ZFYVE16: variants seen among roughly 807,000 people sequenced by gnomAD.
ZFYVE16 encodes the protein zinc finger FYVE-type containing 16, also known as zinc finger FYVE domain-containing protein 16.
Under a neutral mutation model 138.1 loss-of-function variants are expected in ZFYVE16, and 89 were observed. The observed-to-expected ratio is 0.64, with a 90% CI of 0.54 to 0.77. The LOEUF (loss-of-function observed/expected upper bound fraction) is 0.77. ZFYVE16 is among the 30% of genes least tolerant of loss of function. The pLI, the probability that ZFYVE16 is intolerant of heterozygous loss-of-function variation, is 0.00. For missense variants in ZFYVE16, 1,793 were observed against 1,786.7 expected (o/e 1.00, Z -0.06); for synonymous variants, 596 against 618.3 (o/e 0.96, Z 0.53).
intron 15 of ZFYVE16, among the ~76,000 whole-genome samples, chr5:80,469,262 C>G (rs954815105): frequency 1.3e-5 from 2 of 151,964 alleles, no homozygotes; most frequent in Non-Finnish European, 2.9e-5. Context: ...ACCACCACAC[C>G]TGGCTATTTT....
At chr5:80,434,805 C>T (rs1177065318) in intron 3 of ZFYVE16, among the ~76,000 whole-genome samples, 1 of 152,162 alleles carries the variant, frequency 6.6e-6, no homozygotes, top group African/African-American at 2.4e-5. Flanking sequence ...CTAAAAGCAA[C>T]TTGAGAGTTC....
intron 18 of ZFYVE16, among the ~76,000 whole-genome samples, chr5:80,476,831 G>A (rs1043018190): frequency 1.2e-3 from 177 of 152,280 alleles, no homozygotes; most frequent in African/African-American, 4.1e-3. Context: ...TTGCACCAAT[G>A]TTAGAGTCTA....
At chr5:80,456,394 GA>G in intron 12 of ZFYVE16, 66 bp from the exon 13 acceptor site, 2 of 1,224,488 alleles carry the variant, frequency 1.6e-6, no homozygotes, top group Admixed American at 4.5e-5. Context: ...ATTTCTTAAA[GA>G]AGGATTTAAT....
At chr5:80,457,831 A>G (rs1485984451) in intron 14 of ZFYVE16, among the ~76,000 whole-genome samples, 2 of 151,420 alleles carry the variant, frequency 1.3e-5, no homozygotes, top group Admixed American at 6.6e-5. Context: ...TTGAGACCAT[A>G]CTGGCTAATA....
In ZFYVE16 at chr5:80,472,837, A is replaced by C. The variant is rs141099186; in HGVS notation, c.4101A>C (p.Lys1367Asn). 1 of 1,614,050 alleles carries C rather than the reference A, an allele frequency of 6.2e-7. No individual in the cohort carries two copies. Among genetic ancestry groups the C allele is most frequent in the African/African-American group, 1.3e-5 (1 of 75,038 alleles). Residue 1367 changes from lysine (K) to asparagine (N), a missense_variant, in exon 16 of 19, where the codon AAA (lysine) becomes AAC (asparagine). Transcript: ENST00000505560. ...RLALREQKDF[K>N]ITCGKVDAVD... ...CTTTACGAGAACAGAAAGACTTTAAAATTACATGTGGGAAAGTTGATGCAG... is the reference window on the plus strand; with the variant it reads ...CTTTACGAGAACAGAAAGACTTTAACATTACATGTGGGAAAGTTGATGCAG...
intron 1 of ZFYVE16, among the ~76,000 whole-genome samples, chr5:80,415,603 T>G (rs1388828831): frequency 1.3e-5 from 2 of 152,210 alleles, no homozygotes; most frequent in Non-Finnish European, 1.5e-5. Flanking sequence ...GTAATGTGTT[T>G]CGGAGAGAAA....
Position 80,479,872 on chromosome 5 carries a change from T to C in ZFYVE16, c.*2495T>C, listed in dbSNP as rs1755199825. On this transcript the variant is annotated 3_prime_UTR_variant, in exon 19 of 19. Coordinates refer to ENST00000505560, the MANE Select transcript of ZFYVE16 (RefSeq NM_001284236.3). ...TGAGACTCCCAAATACTTTCACCTT[T>C]AGGATGATAATGAATCAGAGGTGGA... Among the ~76,000 whole-genome samples, 1 of 152,114 alleles carries C rather than the reference T, an allele frequency of 6.6e-6. No homozygotes were observed. The highest frequency in any genetic ancestry group is 1.5e-5 in the Non-Finnish European group (1 of 68,014).
At position 80,451,656 on chromosome 5, in the gene ZFYVE16, G is replaced by A; in HGVS notation, c.3554G>A (p.Trp1185Ter). The A allele has an allele frequency of 6.2e-7, 1 of 1,613,796 alleles. No homozygotes were observed. The highest frequency in any genetic ancestry group is 8.5e-7 in the Non-Finnish European group (1 of 1,179,924). ...CTTATCCAGAAGCTTGAGATTCCCTGGGCAAAGGTTTTTCCTATGCGTTTA... is the reference window on the plus strand; with the variant it reads ...CTTATCCAGAAGCTTGAGATTCCCTAGGCAAAGGTTTTTCCTATGCGTTTA... ...GILIQKLEIP[W>*]AKVFPMRLML... Residue 1185 changes from tryptophan to a stop codon, truncating the protein, a stop_gained, in exon 11 of 19, where the codon TGG becomes TAG. Coordinates refer to ENST00000505560, the MANE Select transcript of ZFYVE16 (RefSeq NM_001284236.3). LOFTEE classifies it high-confidence loss of function.
intron 5 of ZFYVE16, chr5:80,441,558 G>A: frequency 1.0e-6 from 1 of 984,720 alleles, no homozygotes; most frequent in Non-Finnish European, 1.2e-6. Flanking sequence ...TATCAAATAA[G>A]AAGAGAAAGA....
At chr5:80,456,924 G>A in intron 13 of ZFYVE16, 21 bp from the exon 14 acceptor site, 1 of 1,578,892 alleles carries the variant, frequency 6.3e-7, no homozygotes, top group South Asian at 1.2e-5. Context: ...AATAAATGTT[G>A]TTGTTTTTGT....
intron 15 of ZFYVE16, among the ~76,000 whole-genome samples, chr5:80,463,824 C>G (rs1483530579): frequency 6.6e-6 from 1 of 152,132 alleles, no homozygotes; most frequent in Non-Finnish European, 1.5e-5. Context: ...GCCAGATACC[C>G]TAAATTATCT....
Position 80,441,375 on chromosome 5 carries a change from T to C in ZFYVE16, c.2419+1343T>C, listed in dbSNP as rs920525697. The C allele has an allele frequency of 5.1e-6, 5 of 985,306 alleles. No individual in the cohort carries two copies. In the Admixed American group the frequency reaches 3.1e-4, roughly 61 times the overall value. 61.0% of individuals were successfully genotyped at this position (985,306 alleles called of 1,614,324 possible). A position where few individuals can be genotyped will look rare whatever the true frequency, so the allele number is the denominator to read the frequency against. On this transcript the variant is annotated intron_variant, in intron 5 of 18. Coordinates refer to ENST00000505560, the MANE Select transcript of ZFYVE16 (RefSeq NM_001284236.3). ...AGCTTTGGTTTATCAAAGAAAATAC[T>C]GTGGAATGAGCTTATTTAGTTATCT...
Position 80,438,802 on chromosome 5 carries a change from T to C in ZFYVE16, c.2117T>C (p.Ile706Thr), listed in dbSNP as rs1294776775. The C allele has an allele frequency of 4.3e-6, 7 of 1,613,992 alleles. No individual in the cohort carries two copies. The highest frequency in any genetic ancestry group is 5.9e-6 in the Non-Finnish European group (7 of 1,179,992). The change falls in exon 4 of 19, where the codon ATT becomes ACT. Residue 706 changes from isoleucine to threonine, a missense_variant. Physicochemically the swap from Ile to Thr is moderately conservative, Grantham distance 89 (BLOSUM62 -1). Coordinates refer to ENST00000505560, the MANE Select transcript of ZFYVE16 (RefSeq NM_001284236.3). ...DPQVSFNSNY[I>T]DIESNSEGGS... Reference sequence around the variant, plus strand: ...CAGGTTAGCTTCAACTCTAATTACATTGATATAGAAAGTAATTCTGAAGGT... The same window carrying C: ...CAGGTTAGCTTCAACTCTAATTACACTGATATAGAAAGTAATTCTGAAGGT...
chr5:80,465,793 A>T lies in ZFYVE16; in HGVS notation c.4024+6299A>T, dbSNP rs148755479. 5.6e-3 allele frequency among the ~76,000 whole-genome samples: 860 copies of T among 152,224 alleles called. 5 individuals are homozygous for T. Among genetic ancestry groups the T allele is most frequent in the Admixed American group, 0.01 (157 of 15,296 alleles). ...GATGATTTGCTTTATTGCTGCTTTC[A>T]TGACACTCTTTGTCATTCACAGTTT... On this transcript the variant is annotated intron_variant, in intron 15 of 18. Coordinates refer to ENST00000505560, the MANE Select transcript of ZFYVE16 (RefSeq NM_001284236.3).
chr5:80,426,256 GTGTGTGTGTGTGTGTGTATATA>G (rs1748016327), intron 1 of ZFYVE16, among the ~76,000 whole-genome samples: 1 of 53,604 alleles, frequency 1.9e-5, no homozygotes, highest in Non-Finnish European at 4.4e-5. Flanking sequence ...GTGTGTGTGT[GTGTGTGTGTGTGTGTGTATATA>G]TATATATATA....
At position 80,421,068 on chromosome 5, in the gene ZFYVE16, G is replaced by A. The variant is rs1747084955; in HGVS notation, c.-93-6424G>A. Among the ~76,000 whole-genome samples the A allele has an allele frequency of 3.3e-5, 5 of 152,152 alleles. No homozygotes were observed. The South Asian group carries it at 1.0e-3, about 32-fold the overall frequency. On this transcript the variant is annotated intron_variant, in intron 1 of 18. Coordinates refer to ENST00000505560, the MANE Select transcript of ZFYVE16 (RefSeq NM_001284236.3). ...CCAGTGATGATGAGCATTTTTTCAT[G>A]TGTTTTTTGGCTACATAAATGTCTT... is the stretch of plus-strand genomic sequence containing the variant.
In ZFYVE16 at chr5:80,438,895, T is replaced by G. The variant is rs926046084; in HGVS notation, c.2210T>G (p.Leu737Trp). ...AACACTTGCAAAGAAGGCTTGGTTT[T>G]GGGCCAGAAACAGCCTACTTGGGTT... ...PENTCKEGLVLGQKQPTWVPD... is the reference protein window; with the variant it reads ...PENTCKEGLVWGQKQPTWVPD... The change falls in exon 4 of 19, where the codon TTG (leucine) becomes TGG (tryptophan). Residue 737 changes from leucine (L) to tryptophan (W), a missense_variant. By Grantham distance (61) the Leu-to-Trp change is moderately conservative (BLOSUM62 -2). Transcript: ENST00000505560. 6.2e-7 allele frequency: 1 copy of G among 1,614,124 alleles called. No homozygotes were observed. Among genetic ancestry groups the G allele is most frequent in the Non-Finnish European group, 8.5e-7 (1 of 1,179,958 alleles).
At chr5:80,474,291 ATATT>A (rs2112556772) in intron 17 of ZFYVE16, among the ~76,000 whole-genome samples, 1 of 152,116 alleles carries the variant, frequency 6.6e-6, no homozygotes, top group Admixed American at 6.6e-5. Flanking sequence ...ATTCCCCCTC[ATATT>A]TATTTCTTAT....
In ZFYVE16 at chr5:80,478,646, T is replaced by TA. The variant is rs1755119580; in HGVS notation, c.*1272dup. 6.6e-6 allele frequency: 1 copy of TA among 152,076 alleles called. No individual in the cohort carries two copies. The highest frequency in any genetic ancestry group is 2.4e-5 in the African/African-American group (1 of 41,428). The allele number at this position is 152,076 out of a possible 1,614,324, so 9.4% of individuals were successfully genotyped here. On this transcript the variant is annotated 3_prime_UTR_variant, in exon 19 of 19. Transcript: ENST00000505560. ...ATATTTCAAGAAAAAGAAATTATGT[T>TA]AAATAGCCCTGTTTTAAGAAAAATA...
Sources: gnomAD v4.1 joint callset for allele counts (sites outside exome capture counted in the v4.1 genomes callset) on GRCh38, gnomAD v4.1.1 for gene constraint, MANE v1.5 for transcripts, NCBI Gene and HGNC (gene_info 2026-07-23, HGNC 2026-07-21) for gene names.